OLFML2B: variants seen among roughly 807,000 people sequenced by gnomAD.
OLFML2B encodes olfactomedin-like protein 2B.
A neutral mutation model predicts 74.9 loss-of-function variants in OLFML2B; 57 were observed. The ratio of observed to expected loss-of-function variants is 0.76; its 90% CI spans 0.61 to 0.95. The LOEUF (loss-of-function observed/expected upper bound fraction) is 0.95, where lower values mean the gene tolerates loss of function less well. OLFML2B is among the 40% of genes least tolerant of loss of function. The pLI, the probability that OLFML2B is intolerant of heterozygous loss-of-function variation, is 0.00. For synonymous variants in OLFML2B, 388 were observed against 405.8 expected, an observed-to-expected ratio of 0.96 and a Z score of 0.53; for missense variants, 986 against 970.6, an observed-to-expected ratio of 1.02 and a Z score of -0.21.
chr1:161,997,878 G>C lies in OLFML2B; in HGVS notation c.1421C>G (p.Pro474Arg). 6.2e-7 allele frequency: 1 copy of C among 1,614,216 alleles called. No individual in the cohort carries two copies. Among genetic ancestry groups the C allele is most frequent in the East Asian group, 2.2e-5 (1 of 44,880 alleles). ...TTCGGGGCTCAGCGTGGGGCTGGCA[G>C]GGGTTGTTCCCCACCCAGCAGGAGC... is the stretch of plus-strand genomic sequence containing the variant. ...KDAPAGWGTT[P>R]ASPTLSPEEE... Residue 474 changes from proline to arginine, a missense_variant, in exon 6 of 8, where the codon CCT becomes CGT. Pro to Arg is a moderately radical substitution (Grantham distance 103). Coordinates refer to ENST00000294794, the MANE Select transcript of OLFML2B (RefSeq NM_015441.3).
chr1:162,001,600 T>C (rs1690082153), intron 4 of OLFML2B, among the ~76,000 whole-genome samples: 1 of 152,208 alleles, frequency 6.6e-6, no homozygotes, highest in African/African-American at 2.4e-5. Context: ...ACATTTCTAT[T>C]GTTTAAGGCA....
Position 162,019,916 on chromosome 1 carries a change from T to C in OLFML2B, c.438+3A>G. 1 of 1,614,026 alleles carries C rather than the reference T, an allele frequency of 6.2e-7. No homozygotes were observed. The highest frequency in any genetic ancestry group is 8.5e-7 in the Non-Finnish European group (1 of 1,179,930). On this transcript the variant is annotated splice_donor_region_variant and intron_variant, in intron 2 of 7. Transcript: ENST00000294794. The stretch of plus-strand genomic sequence containing the variant: ...CAAGGCATTGCCCCATACCAGGTCC[T>C]ACCTTCAAGTCCTGGCTGTCTGCCT...
At chr1:162,002,014 G>T (rs1248722010) in intron 4 of OLFML2B, among the ~76,000 whole-genome samples, 3 of 152,226 alleles carry the variant, frequency 2.0e-5, no homozygotes, top group Non-Finnish European at 4.4e-5. Context: ...GCCCAAGGAG[G>T]AGCCCCTGTG....
chr1:162,015,597 T>C (rs1690505791), intron 3 of OLFML2B, among the ~76,000 whole-genome samples: 1 of 152,208 alleles, frequency 6.6e-6, no homozygotes, highest in African/African-American at 2.4e-5. Context: ...TCTGGGGGCC[T>C]AGGAAAACAG....
intron 4 of OLFML2B, 128 bp from the exon 5 acceptor site, chr1:162,000,466 C>G: frequency 1.5e-6 from 1 of 650,344 alleles, no homozygotes; most frequent in Non-Finnish European, 2.7e-6. Context: ...AGGCACTGTT[C>G]TAAGTGCTTT....
In OLFML2B at chr1:161,983,861, GTAGCTAT is replaced by G; in HGVS notation, c.2060_2066del (p.Asp687AlafsTer36). ...AGGAGATGTTGGCATTCCGCTGGTT[GTAGCTAT>G]CCACGGCATACAGCACCCCACAGAT... On this transcript the variant is annotated frameshift_variant, in exon 8 of 8. Coordinates refer to ENST00000294794, the MANE Select transcript of OLFML2B (RefSeq NM_015441.3). LOFTEE classifies it high-confidence loss of function. 1 of 1,614,228 alleles carries G rather than the reference GTAGCTAT, an allele frequency of 6.2e-7. No individual in the cohort carries two copies. Among genetic ancestry groups the G allele is most frequent in the Non-Finnish European group, 8.5e-7 (1 of 1,180,044 alleles).
Position 161,984,098 on chromosome 1 carries a change from G to T in OLFML2B, c.1830C>A (p.Thr610=), listed in dbSNP as rs1264162003. 5 of 1,611,966 alleles carry T rather than the reference G, an allele frequency of 3.1e-6. No individual in the cohort carries two copies. In the South Asian group the frequency reaches 5.5e-5, roughly 18 times the overall value. The stretch of plus-strand genomic sequence containing the variant: ...CTGAGTGGCCCTGCCATCGCCAGGG[G>T]GTGGCCTCCTCGTAGGCCACGTCAT... ...MLHDVAYEEA[T]PWRWQGHSDV... Residue 610 remains threonine, a synonymous_variant, in exon 8 of 8, where the codon ACC becomes ACA. Transcript: ENST00000294794.
In OLFML2B at chr1:161,998,127, A is replaced by G; in HGVS notation, c.1172T>C (p.Val391Ala). The G allele has an allele frequency of 1.2e-6, 2 of 1,614,030 alleles. No homozygotes were observed. The highest frequency in any genetic ancestry group is 2.2e-5 in the South Asian group (2 of 91,082). The change falls in exon 6 of 8, where the codon GTG (valine) becomes GCG (alanine). Residue 391 changes from valine (V) to alanine (A), a missense_variant. Physicochemically the swap from Val to Ala is moderately conservative, Grantham distance 64. Coordinates refer to ENST00000294794, the MANE Select transcript of OLFML2B (RefSeq NM_015441.3). ...SDPSIANHAS[V>A]GPTLQTTSVS... ...CGAGGTTGTTTGGAGTGTTGGTCCC[A>G]CTGAGGCATGGTTGGCGATGCTGGG... is the stretch of plus-strand genomic sequence containing the variant.
chr1:161,989,163 G>A (rs71639913), intron 6 of OLFML2B, among the ~76,000 whole-genome samples: 4,779 of 152,248 alleles, frequency 0.031, 136 homozygotes, highest in Non-Finnish European at 0.049. Flanking sequence ...TATTCCCTGT[G>A]CTGCTTTTCC....
intron 3 of OLFML2B, among the ~76,000 whole-genome samples, chr1:162,010,743 G>A (rs1690357361): frequency 6.6e-6 from 1 of 152,150 alleles, no homozygotes; most frequent in Admixed American, 6.5e-5. Context: ...GGACAGGGGT[G>A]TGGTCGGGGG....
chr1:162,011,644 A>G (rs1315955818), intron 3 of OLFML2B, among the ~76,000 whole-genome samples: 1 of 152,204 alleles, frequency 6.6e-6, no homozygotes, highest in Non-Finnish European at 1.5e-5. Context: ...CCAACCAAAC[A>G]GCTGTGGAGC....
At chr1:162,019,750 C>G (rs930098531) in intron 2 of OLFML2B, among the ~76,000 whole-genome samples, 169 bp downstream of exon 2, 1 of 152,140 alleles carries the variant, frequency 6.6e-6, no homozygotes, top group Non-Finnish European at 1.5e-5. Context: ...TACACCAGAG[C>G]TGAAAAGGAC....
At chr1:161,985,796 G>A (rs1196385364) in intron 6 of OLFML2B, among the ~76,000 whole-genome samples, 1 of 152,178 alleles carries the variant, frequency 6.6e-6, no homozygotes, top group Non-Finnish European at 1.5e-5. Context: ...CTTGAATAAG[G>A]AGCTGACTCT....
At chr1:162,013,891 AACACACACAC>A (rs59665350) in intron 3 of OLFML2B, among the ~76,000 whole-genome samples, 19,984 of 142,946 alleles carry the variant, frequency 0.14, 1,640 homozygotes, top group East Asian at 0.29. Context: ...AAAAAAGCCC[AACACACACAC>A]ACACACACAC....
Position 161,997,979 on chromosome 1 carries a change from C to G in OLFML2B, c.1320G>C (p.Arg440Ser). The change falls in exon 6 of 8, where the codon AGG (arginine) becomes AGC (serine). Residue 440 changes from arginine (R) to serine (S), a missense_variant. Arg to Ser is a moderately radical substitution (Grantham distance 110). Transcript: ENST00000294794. ...TGTGCATAGCTTCCATCAATGCCTC[C>G]CTGGGAGACACTGCCGGAGGAGCTG... ...AAPAPPAVSP[R>S]EALMEAMHTV... 1 of 1,614,194 alleles carries G rather than the reference C, an allele frequency of 6.2e-7. No individual in the cohort carries two copies. Among genetic ancestry groups the G allele is most frequent in the Non-Finnish European group, 8.5e-7 (1 of 1,180,028 alleles).
intron 6 of OLFML2B, among the ~76,000 whole-genome samples, chr1:161,993,223 G>A (rs1052301014): frequency 1.3e-5 from 2 of 152,256 alleles, no homozygotes; most frequent in South Asian, 4.1e-4. Context: ...TGCTCTTGTT[G>A]GCTCTGGTTC....
intron 4 of OLFML2B, among the ~76,000 whole-genome samples, chr1:162,004,603 C>T (rs1690169797): frequency 6.6e-6 from 1 of 152,080 alleles, no homozygotes; most frequent in South Asian, 2.1e-4. Flanking sequence ...GCCCAAGATC[C>T]CCAAACCCAG....
At chr1:161,993,988 T>C (rs190421723) in intron 6 of OLFML2B, among the ~76,000 whole-genome samples, 3 of 152,376 alleles carry the variant, frequency 2.0e-5, no homozygotes, top group African/African-American at 7.2e-5. Context: ...GATGACTCTT[T>C]ATCCTCATCA....
rs1689481039 is a variant in OLFML2B, at chr1:161,983,420, G to A, written c.*255C>T. The A allele has an allele frequency of 3.0e-6, 1 of 333,926 alleles. No individual in the cohort carries two copies. Among genetic ancestry groups the A allele is most frequent in the South Asian group, 5.7e-5 (1 of 17,532 alleles). The allele number at this position is 333,926 out of a possible 1,614,324, so 20.7% of individuals were successfully genotyped here. ...GGGGCTGAAGGCTTGAAGGAAGGTG[G>A]TTACTGGTCAAAAGGAGAAGTTCAT... On this transcript the variant is annotated 3_prime_UTR_variant, in exon 8 of 8. Coordinates refer to ENST00000294794, the MANE Select transcript of OLFML2B (RefSeq NM_015441.3).
Sources: gnomAD v4.1 joint callset for allele counts (sites outside exome capture counted in the v4.1 genomes callset) on GRCh38, gnomAD v4.1.1 for gene constraint, MANE v1.5 for transcripts, NCBI Gene and HGNC (gene_info 2026-07-23, HGNC 2026-07-21) for gene names.